COL6A5: variants seen among roughly 807,000 people sequenced by gnomAD.
The protein encoded by COL6A5 is collagen alpha-5(VI) chain.
COL6A5 carries 48 observed loss-of-function variants against 65.6 expected under a neutral mutation model. That is an observed-to-expected ratio of 0.73 (90% confidence interval 0.58 to 0.93). The LOEUF (loss-of-function observed/expected upper bound fraction) is 0.93. COL6A5 is among the 40% of genes least tolerant of loss of function. COL6A5 has a pLI of 0.00. For synonymous variants in COL6A5, 291 were observed against 322.8 expected (o/e 0.90, Z 1.05); for missense variants, 914 against 928.3 (o/e 0.98, Z 0.20).
At chr3:130,376,304 A>G (rs760896114) in exon 3 of COL6A5, 1 of 1,613,502 alleles carries the variant, frequency 6.2e-7, no homozygotes, top group African/African-American at 1.3e-5. Flanking sequence ...GACCTAAGTC[A>G]TTCCCATTCG....
chr3:130,437,080 A>C (rs1709051064), intron 1 of COL6A5, among the ~76,000 whole-genome samples: 1 of 152,072 alleles, frequency 6.6e-6, no homozygotes, highest in Non-Finnish European at 1.5e-5. Context: ...ACAGCTAATA[A>C]AAATCCCATT....
At chr3:130,469,346 A>G (rs762986113) in exon 6 of COL6A5, 4 of 1,612,906 alleles carry the variant, frequency 2.5e-6, no homozygotes, top group Non-Finnish European at 3.4e-6. Context: ...CTTTGGCCCT[A>G]AACACAATGA....
At chr3:130,422,756 G>T (rs1937539235) in exon 28 of COL6A5, 2 of 1,524,874 alleles carry the variant, frequency 1.3e-6, no homozygotes, top group South Asian at 2.5e-5. Context: ...TGGGGGACCT[G>T]GACCCAAAGG....
chr3:130,433,483 A>C (rs767837199), intron 1 of COL6A5, among the ~76,000 whole-genome samples: 4 of 152,174 alleles, frequency 2.6e-5, no homozygotes, highest in Non-Finnish European at 5.9e-5. Context: ...CTTGCCAGAT[A>C]ATAACCCCAC....
intron 6 of COL6A5, among the ~76,000 whole-genome samples, chr3:130,390,458 G>A (rs1936355029): frequency 1.3e-5 from 2 of 152,156 alleles, no homozygotes; most frequent in Non-Finnish European, 2.9e-5. Flanking sequence ...TGGAATACAT[G>A]TGCATAAGTT....
In COL6A5 at chr3:130,426,352, T is replaced by G. The variant is rs1364783315; in HGVS notation, c.5200-15T>G. The G allele has an allele frequency of 5.2e-6, 8 of 1,551,290 alleles. No homozygotes were observed. The highest frequency in any genetic ancestry group is 7.0e-6 in the Non-Finnish European group (8 of 1,146,772). The stretch of plus-strand genomic sequence containing the variant: ...ACTTGCATTTCTTTTCTCTCTCCTT[T>G]TTCAACATTTACAGCAATGTGATCT... On this transcript the variant is annotated splice_polypyrimidine_tract_variant and intron_variant and NMD_transcript_variant, in intron 30 of 41. Transcript: ENST00000312481.
At chr3:130,431,525 C>T in exon 1 of COL6A5, 1 of 1,551,568 alleles carries the variant, frequency 6.4e-7, no homozygotes, top group Non-Finnish European at 8.7e-7. Flanking sequence ...TACGATGTCA[C>T]AGAAGAGAGC....
chr3:130,409,353 G>T, exon 18 of COL6A5: 1 of 1,547,288 alleles, frequency 6.5e-7, no homozygotes, highest in Non-Finnish European at 8.7e-7. Flanking sequence ...AGGTGCCCCT[G>T]GGCAGTATGG....
chr3:130,428,142 A>G (rs1228757850), upstream of COL6A5, among the ~76,000 whole-genome samples: 1 of 152,164 alleles, frequency 6.6e-6, no homozygotes, highest in African/African-American at 2.4e-5. Flanking sequence ...GAATAAAAGG[A>G]ATTAGCCCAT....
At chr3:130,472,830 TAC>T (rs1224548905) in intron 7 of COL6A5, among the ~76,000 whole-genome samples, 2 of 91,626 alleles carry the variant, frequency 2.2e-5, no homozygotes, top group African/African-American at 8.8e-5. Context: ...TGTGTGTGTA[TAC>T]ATATATATAT....
chr3:130,470,010 A>G (rs186910290), intron 6 of COL6A5, among the ~76,000 whole-genome samples: 13 of 152,204 alleles, frequency 8.5e-5, no homozygotes, highest in Admixed American at 5.9e-4. Context: ...TCACACTGAC[A>G]CTGCCCTCCA....
intron 4 of COL6A5, among the ~76,000 whole-genome samples, chr3:130,382,253 AC>A (rs1281612958): frequency 6.6e-6 from 1 of 152,080 alleles, no homozygotes; most frequent in Non-Finnish European, 1.5e-5. Flanking sequence ...ACACAAAAAA[AC>A]ATAACTAGAG....
intron 1 of COL6A5, among the ~76,000 whole-genome samples, chr3:130,352,131 G>T (rs942456140): frequency 1.3e-4 from 20 of 152,166 alleles, no homozygotes; most frequent in African/African-American, 4.6e-4. Context: ...TACAGGGCGG[G>T]GAACATCACA....
intron 5 of COL6A5, among the ~76,000 whole-genome samples, 169 bp downstream of exon 5, chr3:130,385,533 A>G (rs1936157137): frequency 6.6e-6 from 1 of 152,058 alleles, no homozygotes; most frequent in African/African-American, 2.4e-5. Flanking sequence ...ACCAAATGCC[A>G]AGACTGGAGA....
chr3:130,394,824 A>G, intron 7 of COL6A5, 66 bp from the exon 8 acceptor site: 1 of 1,191,370 alleles, frequency 8.4e-7, no homozygotes, highest in Non-Finnish European at 1.2e-6. Context: ...CAATTTAAGT[A>G]TATGAGGAAA....
intron 1 of COL6A5, 31 bp from the exon 2 acceptor site, chr3:130,373,580 T>A (rs1935641982): frequency 9.5e-7 from 1 of 1,047,320 alleles, no homozygotes; most frequent in African/African-American, 1.6e-5. Flanking sequence ...AAAATAAAAT[T>A]TTTCATAATG....
intron 23 of COL6A5, among the ~76,000 whole-genome samples, chr3:130,416,332 C>T (rs750058550): frequency 3.3e-5 from 5 of 152,214 alleles, no homozygotes; most frequent in East Asian, 1.9e-4. Context: ...GTGAAAGACA[C>T]GTCTGCCCAT....
intron 1 of COL6A5, among the ~76,000 whole-genome samples, chr3:130,432,617 T>C (rs1937869240): frequency 1.3e-5 from 2 of 151,470 alleles, no homozygotes; most frequent in South Asian, 4.2e-4. Flanking sequence ...CACTACTAAG[T>C]GGCTAAATTG....
At chr3:130,395,385 T>A in exon 8 of COL6A5, 1 of 1,548,364 alleles carries the variant, frequency 6.5e-7, no homozygotes, top group Non-Finnish European at 8.7e-7. Context: ...ATAATCACTT[T>A]TCAAGACTTT....
Sources: gnomAD v4.1 joint callset for allele counts (sites outside exome capture counted in the v4.1 genomes callset) on GRCh38, gnomAD v4.1.1 for gene constraint, MANE v1.5 for transcripts, NCBI Gene and HGNC (gene_info 2026-07-23, HGNC 2026-07-21) for gene names.